Variants in AKIRIN2 observed in about 807,000 individuals in gnomAD.
AKIRIN2 encodes the protein akirin 2, also known as akirin-2.
In AKIRIN2, 6 loss-of-function variants were observed where a neutral mutation model predicts 29.3. That is an observed-to-expected ratio of 0.20 (90% CI 0.11 to 0.40). The LOEUF is 0.40. Ranked by LOEUF, AKIRIN2 falls within the 10% of genes least tolerant of loss-of-function variation. The pLI, the probability that AKIRIN2 is intolerant of heterozygous loss-of-function variation, is 1.00. For synonymous variants in AKIRIN2, 128 were observed against 117.5 expected, an observed-to-expected ratio of 1.09 and a Z score of -0.58; for missense variants, 210 against 276.1, an observed-to-expected ratio of 0.76 and a Z score of 1.70.
Position 87,675,918 on chromosome 6 carries a change from C to T in AKIRIN2, c.543G>A (p.Ala181=), listed in dbSNP as rs936694068. The T allele has an allele frequency of 8.1e-6, 13 of 1,613,108 alleles. 1 individual carries two copies. The highest frequency in any genetic ancestry group is 4.4e-5 in the South Asian group (4 of 90,764). The change falls in exon 4 of 5, where the codon GCG becomes GCA. Residue 181 remains alanine (A), a synonymous_variant. Transcript: ENST00000257787. The stretch of plus-strand genomic sequence containing the variant: ...TTTGATCATGCGTAAACTTCACAAA[C>T]GCATCATATTGTTCTATAAATAAAG... ...LNTKLAEQYD[A]FVKFTHDQIM...
At chr6:87,682,490 C>T (rs1025448285) in intron 1 of AKIRIN2, among the ~76,000 whole-genome samples, 4 of 152,158 alleles carry the variant, frequency 2.6e-5, no homozygotes, top group African/African-American at 4.8e-5. Flanking sequence ...ATATCTGGCA[C>T]ATCCTTTAGG....
At chr6:87,690,214 AAAAAACC>A (rs1326960815) in intron 1 of AKIRIN2, among the ~76,000 whole-genome samples, 1 of 151,664 alleles carries the variant, frequency 6.6e-6, no homozygotes, top group Non-Finnish European at 1.5e-5. Context: ...CTCAAAAAAA[AAAAAACC>A]AAAAAAACAA....
intron 2 of AKIRIN2, among the ~76,000 whole-genome samples, chr6:87,680,768 C>T (rs1424561381): frequency 4.3e-5 from 1 of 23,222 alleles, no homozygotes; most frequent in African/African-American, 2.2e-4. Flanking sequence ...TCCCCGCCCC[C>T]CCCCTTTTTT....
intron 1 of AKIRIN2, among the ~76,000 whole-genome samples, chr6:87,698,994 A>G (rs149247879): frequency 7.1e-4 from 108 of 152,348 alleles, no homozygotes; most frequent in Non-Finnish European, 1.1e-3. Context: ...CTAGTTCTAC[A>G]TTAATTTGTA....
At position 87,675,558 on chromosome 6, in the gene AKIRIN2, A is replaced by T; in HGVS notation, c.*39T>A. On this transcript the variant is annotated 3_prime_UTR_variant, in exon 5 of 5. Coordinates refer to ENST00000257787, the MANE Select transcript of AKIRIN2 (RefSeq NM_018064.4). ...AATTGGGACCTCTTGCAACAACTCA[A>T]CAAGGAACAAGGCAGCCCACAAATG... is the stretch of plus-strand genomic sequence containing the variant. The T allele has an allele frequency of 6.2e-7, 1 of 1,613,260 alleles. No individual in the cohort carries two copies. Among genetic ancestry groups the T allele is most frequent in the Non-Finnish European group, 8.5e-7 (1 of 1,179,202 alleles).
At chr6:87,683,564 T>C (rs529329103) in intron 1 of AKIRIN2, among the ~76,000 whole-genome samples, 1 of 152,340 alleles carries the variant, frequency 6.6e-6, no homozygotes, top group East Asian at 1.9e-4. Context: ...ATAAAACTAA[T>C]GTAACATCCA....
intron 2 of AKIRIN2, among the ~76,000 whole-genome samples, chr6:87,680,282 GAT>G (rs1771096180): frequency 9.7e-6 from 1 of 102,800 alleles, no homozygotes. Context: ...TATGGTCTTT[GAT>G]TTTTTTTTTT....
rs182857532 is a variant in AKIRIN2 at position 87,685,103 on chromosome 6, G to A, written c.236-3340C>T. ...CTGCATTGCTTTTTACATCTAATAT[G>A]ATGCAACTATGTCATCTAAGCCACA... On this transcript the variant is annotated intron_variant, in intron 1 of 4. Coordinates refer to ENST00000257787, the MANE Select transcript of AKIRIN2 (RefSeq NM_018064.4). Among the ~76,000 whole-genome samples the A allele has an allele frequency of 8.7e-4, 133 of 152,224 alleles. 2 individuals carry two copies. The highest frequency in any genetic ancestry group is 3.2e-3 in the African/African-American group (132 of 41,548).
intron 2 of AKIRIN2, among the ~76,000 whole-genome samples, chr6:87,679,834 G>T (rs1386889658): frequency 5.3e-5 from 8 of 152,180 alleles, no homozygotes; most frequent in African/African-American, 1.9e-4. Context: ...ACTGCTAAAA[G>T]TATTTTATAC....
chr6:87,675,970 G>C, intron 3 of AKIRIN2, 39 bp from the exon 4 acceptor site: 1 of 1,551,290 alleles, frequency 6.4e-7, no homozygotes, highest in South Asian at 1.2e-5. Flanking sequence ...TTTGTAAAAT[G>C]CCTTATTAGA....
chr6:87,688,171 G>A (rs1481473773), intron 1 of AKIRIN2, among the ~76,000 whole-genome samples: 2 of 151,868 alleles, frequency 1.3e-5, no homozygotes, highest in East Asian at 1.9e-4. Context: ...TCGCTCTGTC[G>A]CCCAGGCTGT....
chr6:87,687,316 G>A (rs1771203183), intron 1 of AKIRIN2, among the ~76,000 whole-genome samples: 1 of 150,416 alleles, frequency 6.6e-6, no homozygotes, highest in Non-Finnish European at 1.5e-5. Flanking sequence ...GCTAAGGTGG[G>A]CAGATCACCT....
In AKIRIN2 at chr6:87,701,520, G is replaced by A; in HGVS notation, c.165C>T (p.Ala55=). The A allele has an allele frequency of 6.9e-7, 1 of 1,447,702 alleles. No individual in the cohort carries two copies. 89.7% of individuals were successfully genotyped at this position (1,447,702 alleles called of 1,614,324 possible). ...TTCGGAGATACTTCTGCGGCGAGGC[G>A]GCCGCAGCGGAGAAGGAGGCGGCGG... is the stretch of plus-strand genomic sequence containing the variant. ...AATAASFSAA[A]ASPQKYLRME... is the part of the protein sequence containing the mutation. Residue 55 remains alanine, a synonymous_variant, in exon 1 of 5, where the codon GCC becomes GCT. Coordinates refer to ENST00000257787, the MANE Select transcript of AKIRIN2 (RefSeq NM_018064.4).
chr6:87,678,649 C>G (rs753705777), intron 2 of AKIRIN2, among the ~76,000 whole-genome samples: 7 of 152,022 alleles, frequency 4.6e-5, no homozygotes, highest in Non-Finnish European at 7.4e-5. Flanking sequence ...AATTACTTTC[C>G]TACACTAGGA....
At chr6:87,690,220 C>CA (rs1771257040) in intron 1 of AKIRIN2, among the ~76,000 whole-genome samples, 1 of 142,706 alleles carries the variant, frequency 7.0e-6, no homozygotes, top group Non-Finnish European at 1.5e-5. Context: ...AAAAAAAAAA[C>CA]CAAAAAAACA....
At chr6:87,689,030 C>A (rs568628432) in intron 1 of AKIRIN2, among the ~76,000 whole-genome samples, 3 of 152,284 alleles carry the variant, frequency 2.0e-5, no homozygotes, top group Admixed American at 1.3e-4. Context: ...CCTCCTCCTG[C>A]AGGGAAGATA....
intron 1 of AKIRIN2, among the ~76,000 whole-genome samples, chr6:87,688,464 T>A (rs1025740720): frequency 1.3e-5 from 2 of 149,952 alleles, no homozygotes; most frequent in African/African-American, 4.9e-5. Context: ...AAAAAAAAAA[T>A]GCCAGGCACA....
chr6:87,694,728 C>G (rs116769925), intron 1 of AKIRIN2, among the ~76,000 whole-genome samples: 2,997 of 152,208 alleles, frequency 0.02, 96 homozygotes, highest in African/African-American at 0.068. Flanking sequence ...AAAAGCTACA[C>G]CCCAAGACAA....
chr6:87,684,149 C>T (rs1206775990), intron 1 of AKIRIN2, among the ~76,000 whole-genome samples: 3 of 152,064 alleles, frequency 2.0e-5, no homozygotes, highest in Admixed American at 2.0e-4. Context: ...CTTTTATCAC[C>T]ACATAGCTGT....
Sources: allele counts gnomAD v4.1 joint callset (sites outside exome capture counted in the v4.1 genomes callset), GRCh38; gene constraint gnomAD v4.1.1; transcripts MANE v1.5; gene names NCBI Gene and HGNC (gene_info 2026-07-23, HGNC 2026-07-21).